Variants in PDE4D observed in about 807,000 individuals in gnomAD.
PDE4D encodes the protein phosphodiesterase 4D.
Under a neutral mutation model 87.4 loss-of-function variants are expected in PDE4D, and 24 were observed. The observed-to-expected ratio is 0.27, with a 90% confidence interval of 0.20 to 0.39. The LOEUF (loss-of-function observed/expected upper bound fraction) is 0.39, where lower values mean the gene tolerates loss of function less well. Ranked by LOEUF, PDE4D falls within the 10% of genes least tolerant of loss-of-function variation. The pLI is 1.00. For synonymous variants in PDE4D, 384 were observed against 383.2 expected (o/e 1.00, Z -0.02); for missense variants, 714 against 1,041.0 (o/e 0.69, Z 4.32).
chr5:60,051,195 TA>T (rs1562028365), intron 2 of PDE4D, among the ~76,000 whole-genome samples: 1 of 152,108 alleles, frequency 6.6e-6, no homozygotes, highest in Non-Finnish European at 1.5e-5. Context: ...GCAGACTTAA[TA>T]GGCATCTACA....
At position 60,276,573 on chromosome 5, in the gene PDE4D, C is replaced by G. The variant is rs370552242; in HGVS notation, c.-89-90886G>C. Among the ~76,000 whole-genome samples, 26 of 152,280 alleles carry G rather than the reference C, an allele frequency of 1.7e-4. No homozygotes were observed. The East Asian group carries it at 1.7e-3, about 10-fold the overall frequency. On this transcript the variant is annotated intron_variant, in intron 1 of 16. Coordinates refer to the PDE4D transcript ENST00000502484. ...TCAAACCTTGTTCAAATAAGACACC[C>G]AGCTGTAACCAATCCAGGTGTTTCA... is the stretch of plus-strand genomic sequence containing the variant.
chr5:59,541,577 T>C (rs575360711), intron 1 of PDE4D, among the ~76,000 whole-genome samples: 79 of 152,372 alleles, frequency 5.2e-4, no homozygotes, highest in African/African-American at 1.5e-3. Flanking sequence ...CATGGGATAC[T>C]ATCTCCTCCC....
intron 3 of PDE4D, among the ~76,000 whole-genome samples, chr5:59,943,671 C>T (rs1272200707): frequency 6.6e-6 from 1 of 152,162 alleles, no homozygotes; most frequent in Non-Finnish European, 1.5e-5. Flanking sequence ...ACTGACAGCT[C>T]GTGCGGGCAG....
intron 6 of PDE4D, among the ~76,000 whole-genome samples, chr5:59,027,163 A>G (rs1756393748): frequency 6.6e-6 from 1 of 152,212 alleles, no homozygotes; most frequent in African/African-American, 2.4e-5. Context: ...TTTCGAGGGT[A>G]GAATATCCCT....
chr5:60,004,635 A>G (rs990863102), intron 2 of PDE4D, among the ~76,000 whole-genome samples: 2 of 152,162 alleles, frequency 1.3e-5, no homozygotes, highest in Admixed American at 1.3e-4. Flanking sequence ...AAACACTCCA[A>G]TAACCCATTT....
At chr5:59,271,296 C>A (rs887885525) in intron 1 of PDE4D, among the ~76,000 whole-genome samples, 7 of 152,070 alleles carry the variant, frequency 4.6e-5, no homozygotes, top group Non-Finnish European at 1.0e-4. Flanking sequence ...GCCTCAGCCT[C>A]CTAAATTGCA....
At chr5:59,851,192 A>G (rs1744617953) in intron 1 of PDE4D, among the ~76,000 whole-genome samples, 2 of 152,032 alleles carry the variant, frequency 1.3e-5, no homozygotes, top group Admixed American at 1.3e-4. Flanking sequence ...TACCAACTTG[A>G]TCATGTGAGT....
intron 6 of PDE4D, among the ~76,000 whole-genome samples, chr5:59,022,521 G>A (rs992448066): frequency 6.6e-6 from 1 of 152,066 alleles, no homozygotes; most frequent in African/African-American, 2.4e-5. Flanking sequence ...TACACCTTCC[G>A]TGAGTTTATC....
At chr5:60,261,388 C>A (rs565066450) in intron 1 of PDE4D, among the ~76,000 whole-genome samples, 1 of 152,230 alleles carries the variant, frequency 6.6e-6, no homozygotes, top group South Asian at 2.1e-4. Flanking sequence ...ATATCTTCCC[C>A]CTACATCTCT....
chr5:59,030,422 C>CAAAAAGAAAAA (rs1757146587), intron 6 of PDE4D, among the ~76,000 whole-genome samples: 1 of 58,300 alleles, frequency 1.7e-5, no homozygotes, highest in Non-Finnish European at 3.1e-5. Context: ...AACAGAGATA[C>CAAAAAGAAAAA]AAAAAAAAAA....
intron 1 of PDE4D, among the ~76,000 whole-genome samples, chr5:60,354,855 C>T (rs949605869): frequency 6.6e-6 from 1 of 152,132 alleles, no homozygotes; most frequent in Admixed American, 6.6e-5. Context: ...TAATAAATCA[C>T]TAGAGAAAAC....
intron 2 of PDE4D, among the ~76,000 whole-genome samples, chr5:59,207,609 A>C (rs529317933): frequency 6.6e-6 from 1 of 152,230 alleles, no homozygotes; most frequent in Admixed American, 6.5e-5. Flanking sequence ...GACTGAGGCC[A>C]ATTCTGAGTT....
At chr5:59,798,340 T>C (rs1250619188) in intron 1 of PDE4D, among the ~76,000 whole-genome samples, 3 of 150,682 alleles carry the variant, frequency 2.0e-5, no homozygotes, top group Non-Finnish European at 4.4e-5. Context: ...TTAGTCATCG[T>C]ACCCACATGT....
At chr5:59,782,874 A>G (rs946469813) in intron 1 of PDE4D, among the ~76,000 whole-genome samples, 1 of 152,214 alleles carries the variant, frequency 6.6e-6, no homozygotes, top group African/African-American at 2.4e-5. Flanking sequence ...AATTTATGTA[A>G]TAGAATATGA....
rs1026361597 is a variant in PDE4D, at chr5:60,165,699, A to G, written c.42+19858T>C. ...TTTTATATCTGTATAACATTATTATATATAAATATGTTTTTATATTATAGA... is the reference window on the plus strand; with the variant it reads ...TTTTATATCTGTATAACATTATTATGTATAAATATGTTTTTATATTATAGA... On this transcript the variant is annotated intron_variant, in intron 2 of 16. Transcript: ENST00000502484. Among the ~76,000 whole-genome samples the G allele has an allele frequency of 5.4e-5, 8 of 149,530 alleles. No homozygotes were observed. The East Asian group carries it at 1.6e-3, about 29-fold the overall frequency.
Position 59,452,054 on chromosome 5 carries a change from A to AT in PDE4D, c.456-236087dup, listed in dbSNP as rs1799244919. Among the ~76,000 whole-genome samples the AT allele has an allele frequency of 2.0e-5, 3 of 152,120 alleles. No individual in the cohort carries two copies. The South Asian group carries it at 6.2e-4, about 32-fold the overall frequency. ...TGGTAAACTTTCTTAAAACATTGAGATTTTTTGTTTGTGATTCTTTTTTTT... is the reference window on the plus strand; with the variant it reads ...TGGTAAACTTTCTTAAAACATTGAGATTTTTTTGTTTGTGATTCTTTTTTTT... On this transcript the variant is annotated intron_variant, in intron 1 of 14. Transcript: ENST00000340635.
chr5:60,182,207 A>G (rs1784427891), intron 2 of PDE4D, among the ~76,000 whole-genome samples: 1 of 152,242 alleles, frequency 6.6e-6, no homozygotes, highest in Non-Finnish European at 1.5e-5. Flanking sequence ...ATTAGCTTCT[A>G]GGTCTATGAA....
intron 1 of PDE4D, among the ~76,000 whole-genome samples, chr5:59,854,885 C>T (rs973207503): frequency 1.3e-5 from 2 of 152,066 alleles, no homozygotes; most frequent in Non-Finnish European, 1.5e-5. Context: ...GCCATGTATG[C>T]CAGGCACCGA....
At chr5:59,591,483 A>G (rs2153703394) in intron 1 of PDE4D, among the ~76,000 whole-genome samples, 1 of 152,290 alleles carries the variant, frequency 6.6e-6, no homozygotes, top group Non-Finnish European at 1.5e-5. Context: ...TTAATGTCAA[A>G]TGTTAAGGTA....
Sources: gnomAD v4.1 joint callset for allele counts (sites outside exome capture counted in the v4.1 genomes callset) on GRCh38, gnomAD v4.1.1 for gene constraint, MANE v1.5 for transcripts, NCBI Gene and HGNC (gene_info 2026-07-23, HGNC 2026-07-21) for gene names.